The following NEDD4L variants were observed in gnomAD, a reference collection of about 807,000 sequenced individuals.
NEDD4L encodes the protein E3 ubiquitin-protein ligase NEDD4-like.
NEDD4L carries 54 observed loss-of-function variants against 148.9 expected under a neutral mutation model. The observed-to-expected ratio is 0.36, with a 90% CI of 0.29 to 0.45. NEDD4L has a LOEUF of 0.45. NEDD4L is among the 20% of genes least tolerant of loss of function. NEDD4L has a pLI of 1.00. For missense variants in NEDD4L, 856 were observed against 1,233.8 expected (o/e 0.69, Z 4.59); for synonymous variants, 433 against 440.7 (o/e 0.98, Z 0.22).
At chr18:58,345,191 A>G (rs1349043635) in intron 16 of NEDD4L, among the ~76,000 whole-genome samples, 1 of 152,218 alleles carries the variant, frequency 6.6e-6, no homozygotes, top group Non-Finnish European at 1.5e-5. Flanking sequence ...TCAAGGTAAC[A>G]ACTGGAAATT....
At chr18:58,392,459 A>G (rs368931414) in intron 30 of NEDD4L, among the ~76,000 whole-genome samples, 8 of 152,326 alleles carry the variant, frequency 5.3e-5, no homozygotes, top group African/African-American at 1.9e-4. Flanking sequence ...GAGAATTCTC[A>G]TGAACATGTG....
intron 5 of NEDD4L, among the ~76,000 whole-genome samples, chr18:58,262,048 C>T (rs1216358036): frequency 7.2e-5 from 11 of 152,174 alleles, no homozygotes; most frequent in Admixed American, 7.2e-4. Flanking sequence ...ATCCTGTCTG[C>T]AACCTTCTAG....
intron 5 of NEDD4L, among the ~76,000 whole-genome samples, chr18:58,253,243 T>G (rs1342025706): frequency 1.3e-5 from 2 of 152,238 alleles, no homozygotes; most frequent in African/African-American, 4.8e-5. Flanking sequence ...GTCTAGAGCC[T>G]TTACATAAAC....
chr18:58,191,604 A>G (rs1377859282), intron 2 of NEDD4L, among the ~76,000 whole-genome samples: 1 of 152,252 alleles, frequency 6.6e-6, no homozygotes, highest in Non-Finnish European at 1.5e-5. Flanking sequence ...TTGGTGAGAT[A>G]GTCTTCTTAC....
chr18:58,376,926 AC>A (rs1010273851), intron 24 of NEDD4L, among the ~76,000 whole-genome samples: 8 of 151,602 alleles, frequency 5.3e-5, no homozygotes, highest in Non-Finnish European at 8.8e-5. Flanking sequence ...TTGGGAGCAT[AC>A]TCCCTCCCAG....
chr18:58,244,586 C>T (rs1320343871), intron 2 of NEDD4L, among the ~76,000 whole-genome samples: 1 of 152,204 alleles, frequency 6.6e-6, no homozygotes, highest in African/African-American at 2.4e-5. Context: ...GAACTTTAAT[C>T]TAGACTACTC....
intron 2 of NEDD4L, among the ~76,000 whole-genome samples, chr18:58,222,016 C>A (rs2043827757): frequency 6.6e-6 from 1 of 152,180 alleles, no homozygotes; most frequent in South Asian, 2.1e-4. Flanking sequence ...GTCCCCTGTT[C>A]TTTGCTTCTT....
In NEDD4L at chr18:58,380,296, TTTTATTTA is replaced by T. The variant is rs550029276; in HGVS notation, c.2353-2918_2353-2911del. On this transcript the variant is annotated intron_variant, in intron 24 of 30. Transcript: ENST00000400345. ...ACTCTGCATACTGTTTTCTTTTTTA[TTTTATTTA>T]TTTATTTATTTATTTATTTATTTAT... Among the ~76,000 whole-genome samples, 128 of 141,814 alleles carry T rather than the reference TTTTATTTA, an allele frequency of 9.0e-4. 1 individual carries two copies. The highest frequency in any genetic ancestry group is 2.3e-3 in the African/African-American group (85 of 37,614). 93.0% of individuals were successfully genotyped at this position (141,814 alleles called of 152,430 possible).
At chr18:58,304,558 A>G (rs747808920) in intron 5 of NEDD4L, among the ~76,000 whole-genome samples, 5 of 152,208 alleles carry the variant, frequency 3.3e-5, no homozygotes, top group African/African-American at 7.2e-5. Context: ...TAATTTTCCC[A>G]TGTAATATCA....
At chr18:58,079,179 C>T (rs1470292568) in intron 1 of NEDD4L, among the ~76,000 whole-genome samples, 3 of 152,104 alleles carry the variant, frequency 2.0e-5, no homozygotes, top group Admixed American at 6.6e-5. Flanking sequence ...GGTTTAATTA[C>T]GATGTATCCT....
intron 1 of NEDD4L, among the ~76,000 whole-genome samples, chr18:58,154,748 G>A (rs545690927): frequency 5.9e-5 from 9 of 152,312 alleles, no homozygotes; most frequent in African/African-American, 1.9e-4. Flanking sequence ...AGATCATGCC[G>A]TTGCACTCCA....
intron 2 of NEDD4L, among the ~76,000 whole-genome samples, chr18:58,178,523 A>T (rs1281620489): frequency 6.6e-6 from 1 of 152,250 alleles, no homozygotes; most frequent in Non-Finnish European, 1.5e-5. Flanking sequence ...AGATGAGTGT[A>T]TTGCAATTAA....
intron 1 of NEDD4L, among the ~76,000 whole-genome samples, chr18:58,150,780 G>A (rs544994651): frequency 2.6e-4 from 39 of 152,280 alleles, no homozygotes; most frequent in Admixed American, 8.5e-4. Flanking sequence ...GCCCACACTT[G>A]TTGGCTGTCT....
intron 1 of NEDD4L, among the ~76,000 whole-genome samples, chr18:58,152,026 G>A (rs1454056550): frequency 1.3e-5 from 2 of 151,962 alleles, no homozygotes; most frequent in South Asian, 2.1e-4. Context: ...TTAAAAATTC[G>A]ATGAGATAAA....
chr18:58,141,639 G>A (rs562219532), intron 1 of NEDD4L, among the ~76,000 whole-genome samples: 4 of 152,198 alleles, frequency 2.6e-5, no homozygotes, highest in Admixed American at 2.0e-4. Flanking sequence ...AAGAAGTTCT[G>A]TTTTTCCCTC....
chr18:58,119,073 A>C (rs1013464545), intron 1 of NEDD4L, among the ~76,000 whole-genome samples: 1 of 152,208 alleles, frequency 6.6e-6, no homozygotes, highest in Non-Finnish European at 1.5e-5. Context: ...AGTAAATCCA[A>C]TAATGTTTCC....
chr18:58,312,701 A>G (rs1169626080), intron 5 of NEDD4L, among the ~76,000 whole-genome samples: 1 of 152,132 alleles, frequency 6.6e-6, no homozygotes, highest in East Asian at 1.9e-4. Context: ...TGTTTTTGAG[A>G]TGGAGTCTTG....
chr18:58,178,505 C>T (rs1351909555), intron 2 of NEDD4L, among the ~76,000 whole-genome samples: 3 of 152,178 alleles, frequency 2.0e-5, no homozygotes, highest in Non-Finnish European at 2.9e-5. Flanking sequence ...CAGATGCAGA[C>T]ATAATTTAGA....
chr18:58,213,183 A>T (rs2042783077), intron 2 of NEDD4L, among the ~76,000 whole-genome samples: 1 of 152,244 alleles, frequency 6.6e-6, no homozygotes, highest in African/African-American at 2.4e-5. Flanking sequence ...GGCAATGTAT[A>T]TTAAAATAAA....
Sources: gnomAD v4.1 joint callset for allele counts (sites outside exome capture counted in the v4.1 genomes callset) on GRCh38, gnomAD v4.1.1 for gene constraint, MANE v1.5 for transcripts, NCBI Gene and HGNC (gene_info 2026-07-23, HGNC 2026-07-21) for gene names.